The following RASSF8 variants were observed in gnomAD, a reference collection of about 807,000 sequenced individuals.
The protein encoded by RASSF8 is Ras association domain family member 8.
A neutral mutation model predicts 48.5 loss-of-function variants in RASSF8; 22 were observed. That is an observed-to-expected ratio of 0.45 (90% confidence interval 0.32 to 0.65). RASSF8 has a LOEUF of 0.65. Ranked by LOEUF, RASSF8 falls within the 30% of genes least tolerant of loss-of-function variation. The pLI is 0.03. For missense variants in RASSF8, 418 were observed against 489.2 expected (o/e 0.85, Z 1.37); for synonymous variants, 127 against 171.5 (o/e 0.74, Z 2.03).
chr12:26,002,690 A>C (rs981597589), intron 2 of RASSF8, among the ~76,000 whole-genome samples: 1 of 151,954 alleles, frequency 6.6e-6, no homozygotes, highest in Non-Finnish European at 1.5e-5. Flanking sequence ...CAGGAGAATC[A>C]CTTGAACCCA....
At chr12:25,968,230 A>G (rs1186950523) in intron 1 of RASSF8, among the ~76,000 whole-genome samples, 2 of 152,260 alleles carry the variant, frequency 1.3e-5, no homozygotes, top group Admixed American at 1.3e-4. Flanking sequence ...GAAACTTTTC[A>G]GCCCTAATAT....
intron 2 of RASSF8, among the ~76,000 whole-genome samples, chr12:26,013,602 G>C (rs933004595): frequency 2.0e-5 from 3 of 150,386 alleles, no homozygotes; most frequent in African/African-American, 7.4e-5. Context: ...CAATAATATT[G>C]TACAACTTGT....
intron 2 of RASSF8, among the ~76,000 whole-genome samples, chr12:26,049,236 A>G (rs1943439137): frequency 6.6e-6 from 1 of 152,210 alleles, no homozygotes; most frequent in South Asian, 2.1e-4. Context: ...AAGGGATGGG[A>G]AGAAATGACT....
Position 26,055,297 on chromosome 12 carries a change from A to G in RASSF8, c.-47A>G. The G allele has an allele frequency of 6.8e-7, 1 of 1,466,696 alleles. No individual in the cohort carries two copies. The highest frequency in any genetic ancestry group is 9.6e-7 in the Non-Finnish European group (1 of 1,045,740). 90.9% of individuals were successfully genotyped at this position (1,466,696 alleles called of 1,614,324 possible). On this transcript the variant is annotated 5_prime_UTR_variant, in exon 3 of 6. Coordinates refer to ENST00000689635, the MANE Select transcript of RASSF8 (RefSeq NM_001394098.1). ...CCTGCAGCTAGAGACATGACCTAAC[A>G]CCCTGATGACCACTCTCAGGGACCT... is the stretch of plus-strand genomic sequence containing the variant.
intron 2 of RASSF8, among the ~76,000 whole-genome samples, chr12:26,050,815 G>T (rs758624543): frequency 6.6e-6 from 1 of 152,132 alleles, no homozygotes; most frequent in Non-Finnish European, 1.5e-5. Context: ...CATTTTGCTG[G>T]CATGTGTTTT....
At chr12:26,033,800 T>G (rs1943075599) in intron 2 of RASSF8, among the ~76,000 whole-genome samples, 1 of 152,138 alleles carries the variant, frequency 6.6e-6, no homozygotes, top group Non-Finnish European at 1.5e-5. Context: ...ATGCCAGGAC[T>G]CTCAAATCAG....
In RASSF8 at chr12:26,010,137, T is replaced by G. The variant is rs946210864; in HGVS notation, c.-109+15007T>G. Among the ~76,000 whole-genome samples the G allele has an allele frequency of 3.9e-5, 6 of 152,350 alleles. No homozygotes were observed. In the East Asian group the frequency reaches 9.6e-4, roughly 24 times the overall value. ...AATGGCTAACCAATGCCTAATCCAT[T>G]CTGAGGCCTTGGGACCAGAAGGCTT... On this transcript the variant is annotated intron_variant, in intron 2 of 5. Transcript: ENST00000689635.
chr12:26,039,452 A>G (rs1339624857), intron 2 of RASSF8, among the ~76,000 whole-genome samples: 1 of 149,178 alleles, frequency 6.7e-6, no homozygotes, highest in Non-Finnish European at 1.5e-5. Flanking sequence ...AGATCAGTTA[A>G]TCTTAGCTGT....
chr12:26,041,381 ATAT>A (rs1208988942), intron 2 of RASSF8, among the ~76,000 whole-genome samples: 4 of 152,164 alleles, frequency 2.6e-5, no homozygotes, highest in Non-Finnish European at 4.4e-5. Context: ...AGTTGGATTA[ATAT>A]TATTTCCAAT....
intron 5 of RASSF8, 150 bp downstream of exon 5, chr12:26,067,863 T>TGAGGTAGGAGGGTCACCTGAGCC: frequency 1.0e-6 from 1 of 1,004,940 alleles, no homozygotes; most frequent in Non-Finnish European, 1.5e-6. Context: ...CCTCCTGGGC[T>TGAGGTAGGAGGGTCACCTGAGCC]CAGGTGACCC....
chr12:26,002,008 C>T (rs941482992), intron 2 of RASSF8, among the ~76,000 whole-genome samples: 20 of 152,218 alleles, frequency 1.3e-4, no homozygotes, highest in African/African-American at 3.9e-4. Flanking sequence ...ATGATGGCTA[C>T]GCCGTCACTA....
intron 2 of RASSF8, among the ~76,000 whole-genome samples, chr12:26,052,368 G>A (rs879365923): frequency 1.3e-5 from 2 of 152,188 alleles, no homozygotes; most frequent in Admixed American, 6.5e-5. Flanking sequence ...CTGGTAGCAT[G>A]TTAGTGAATA....
intron 4 of RASSF8, among the ~76,000 whole-genome samples, 191 bp downstream of exon 4, chr12:26,065,578 A>G (rs762921300): frequency 2.0e-5 from 3 of 152,228 alleles, no homozygotes; most frequent in Non-Finnish European, 2.9e-5. Context: ...ATCCTTCTCC[A>G]TGGAAGAGCC....
At chr12:25,997,508 A>C (rs1442181436) in intron 2 of RASSF8, among the ~76,000 whole-genome samples, 9 of 152,042 alleles carry the variant, frequency 5.9e-5, no homozygotes, top group African/African-American at 1.9e-4. Flanking sequence ...TTTCTATCCC[A>C]TGTAGATTTA....
intron 1 of RASSF8, among the ~76,000 whole-genome samples, chr12:25,978,030 C>T (rs1204615053): frequency 6.6e-6 from 1 of 152,210 alleles, no homozygotes; most frequent in Admixed American, 6.5e-5. Flanking sequence ...GAGGGTCACT[C>T]CTTGGCCTGG....
At chr12:26,079,483 C>T (rs140654573) in exon 6 of RASSF8, 9,709 of 151,982 alleles carry the variant, frequency 0.064, 802 homozygotes, top group East Asian at 0.29. Flanking sequence ...CCCAGCTACT[C>T]GGGAGGCTGA....
chr12:25,967,299 A>G (rs553784161), intron 1 of RASSF8, among the ~76,000 whole-genome samples: 7 of 151,944 alleles, frequency 4.6e-5, no homozygotes, highest in South Asian at 4.2e-4. Context: ...TTTTTTTGTT[A>G]TTTGCTCTCT....
At chr12:26,024,358 C>T (rs941050871) in intron 2 of RASSF8, among the ~76,000 whole-genome samples, 5 of 152,044 alleles carry the variant, frequency 3.3e-5, no homozygotes, top group African/African-American at 1.2e-4. Flanking sequence ...GAAAAGTCTC[C>T]GTCCAAATGG....
At chr12:26,060,602 A>G (rs546254557) in intron 3 of RASSF8, among the ~76,000 whole-genome samples, 1 of 152,326 alleles carries the variant, frequency 6.6e-6, no homozygotes, top group East Asian at 1.9e-4. Context: ...ATAAGATAAT[A>G]AAGTGTAAGT....
Sources: allele counts gnomAD v4.1 joint callset (sites outside exome capture counted in the v4.1 genomes callset), GRCh38; gene constraint gnomAD v4.1.1; transcripts MANE v1.5; gene names NCBI Gene and HGNC (gene_info 2026-07-23, HGNC 2026-07-21).